LRMDA: variants seen among roughly 807,000 people sequenced by gnomAD.
The protein encoded by LRMDA is leucine rich melanocyte differentiation associated.
Under a neutral mutation model 29.8 loss-of-function variants are expected in LRMDA, and 18 were observed. The observed-to-expected ratio is 0.60, with a 90% confidence interval of 0.42 to 0.90. The LOEUF (loss-of-function observed/expected upper bound fraction) is 0.90, where lower values mean the gene tolerates loss of function less well. LRMDA is among the 40% of genes least tolerant of loss of function. The probability of loss-of-function intolerance (pLI) is 0.00; values close to 1 mark genes in which losing one functional copy is unlikely to be tolerated. For synonymous variants in LRMDA, 125 were observed against 109.4 expected (o/e 1.14, Z -0.89); for missense variants, 273 against 273.9 (o/e 1.00, Z 0.02).
chr10:75,699,726 G>A (rs551836139), intron 2 of LRMDA, among the ~76,000 whole-genome samples: 6 of 152,132 alleles, frequency 3.9e-5, no homozygotes, highest in African/African-American at 1.2e-4. Context: ...GCATGTTGTC[G>A]CAATCCCTGG....
intron 3 of LRMDA, among the ~76,000 whole-genome samples, chr10:76,046,235 C>G (rs1440984992): frequency 6.6e-6 from 1 of 152,154 alleles, no homozygotes; most frequent in African/African-American, 2.4e-5. Flanking sequence ...GTGGCTTAAG[C>G]CAGGAGTTAG....
chr10:75,758,423 C>T (rs192875183), intron 2 of LRMDA, among the ~76,000 whole-genome samples: 10 of 152,240 alleles, frequency 6.6e-5, no homozygotes, highest in African/African-American at 2.4e-4. Flanking sequence ...GAAGACCCCA[C>T]TCAGTGTCAT....
At chr10:76,119,061 T>C (rs186444919) in intron 5 of LRMDA, among the ~76,000 whole-genome samples, 23 of 152,282 alleles carry the variant, frequency 1.5e-4, no homozygotes, top group Admixed American at 1.4e-3. Flanking sequence ...TATTTTATCT[T>C]AATTAGTCCC....
chr10:76,504,417 T>G (rs910563351), intron 6 of LRMDA, among the ~76,000 whole-genome samples: 1 of 151,998 alleles, frequency 6.6e-6, no homozygotes, highest in Non-Finnish European at 1.5e-5. Flanking sequence ...GTCAGTAAAG[T>G]CTGTCAGTGG....
At chr10:76,536,172 G>A (rs544792737) in intron 6 of LRMDA, among the ~76,000 whole-genome samples, 6 of 152,074 alleles carry the variant, frequency 3.9e-5, no homozygotes, top group African/African-American at 1.4e-4. Flanking sequence ...ATACGTAAGG[G>A]CATTTTCCTG....
chr10:75,564,067 C>T (rs1038702102), intron 2 of LRMDA, among the ~76,000 whole-genome samples: 2 of 152,212 alleles, frequency 1.3e-5, no homozygotes, highest in African/African-American at 4.8e-5. Context: ...TCAAAGCTGT[C>T]AGACAGGGAC....
At chr10:76,028,805 GC>G (rs1402335795) in intron 2 of LRMDA, among the ~76,000 whole-genome samples, 1 of 149,350 alleles carries the variant, frequency 6.7e-6, no homozygotes. Flanking sequence ...ATTATGAGAA[GC>G]TTATTCAAAG....
chr10:75,915,794 C>A (rs1012343662), intron 2 of LRMDA, among the ~76,000 whole-genome samples: 1 of 152,160 alleles, frequency 6.6e-6, no homozygotes, highest in Admixed American at 6.5e-5. Flanking sequence ...GCTGTCTATT[C>A]AGCTAGCTCT....
chr10:76,247,363 G>C (rs1468373259), intron 5 of LRMDA, among the ~76,000 whole-genome samples: 1 of 152,160 alleles, frequency 6.6e-6, no homozygotes. Context: ...ATTGGGCGAG[G>C]TAGTCTGGCT....
chr10:75,771,947 T>C (rs1380407335), intron 2 of LRMDA, among the ~76,000 whole-genome samples: 1 of 151,866 alleles, frequency 6.6e-6, no homozygotes, highest in Non-Finnish European at 1.5e-5. Context: ...CAATTAGTAC[T>C]GGAAAAGATC....
At chr10:75,608,530 CATTA>C (rs1474016984) in intron 2 of LRMDA, among the ~76,000 whole-genome samples, 1 of 152,096 alleles carries the variant, frequency 6.6e-6, no homozygotes, top group African/African-American at 2.4e-5. Context: ...GAGAAGACTA[CATTA>C]ATTAGTTTGA....
At position 75,516,831 on chromosome 10, in the gene LRMDA, A is replaced by G. The variant is rs1845295753; in HGVS notation, c.131+78337A>G. On this transcript the variant is annotated intron_variant, in intron 2 of 6. Coordinates refer to ENST00000611255, the MANE Select transcript of LRMDA (RefSeq NM_001305581.2). ...TTTTCTTCTAGGGTTTTATGGTTTTAGGTCTAACATTTAAGTCATCAATCC... is the reference window on the plus strand; with the variant it reads ...TTTTCTTCTAGGGTTTTATGGTTTTGGGTCTAACATTTAAGTCATCAATCC... Among the ~76,000 whole-genome samples, 3 of 152,096 alleles carry G rather than the reference A, an allele frequency of 2.0e-5. No homozygotes were observed. In the South Asian group the frequency reaches 6.2e-4, roughly 31 times the overall value.
chr10:76,451,572 T>G (rs943935927), intron 6 of LRMDA, among the ~76,000 whole-genome samples: 1 of 152,102 alleles, frequency 6.6e-6, no homozygotes, highest in Admixed American at 6.5e-5. Context: ...GAGCCAGATA[T>G]ACTTTTCCAT....
At position 75,616,131 on chromosome 10, in the gene LRMDA, C is replaced by G. The variant is rs563795694; in HGVS notation, c.131+177637C>G. Among the ~76,000 whole-genome samples the G allele has an allele frequency of 3.2e-4, 49 of 152,258 alleles. 1 individual carries two copies. The highest frequency in any genetic ancestry group is 1.1e-3 in the African/African-American group (46 of 41,560). ...CGGAAGGCAAAGGGGATATAAGACA[C>G]GTCTTACATGGCAGCAGGCAAGGCA... is the stretch of plus-strand genomic sequence containing the variant. On this transcript the variant is annotated intron_variant, in intron 2 of 6. Transcript: ENST00000611255.
chr10:75,948,570 A>G (rs1846518391), intron 2 of LRMDA, among the ~76,000 whole-genome samples: 2 of 152,316 alleles, frequency 1.3e-5, no homozygotes, highest in Admixed American at 1.3e-4. Flanking sequence ...CGACCAAGGT[A>G]AAATAGATGA....
chr10:75,870,538 A>G (rs1291584892), intron 2 of LRMDA, among the ~76,000 whole-genome samples: 2 of 152,102 alleles, frequency 1.3e-5, no homozygotes, highest in African/African-American at 4.8e-5. Context: ...TCTCTACTGG[A>G]ATATGTCCTT....
At chr10:75,893,725 G>A (rs560083776) in intron 2 of LRMDA, among the ~76,000 whole-genome samples, 1 of 152,210 alleles carries the variant, frequency 6.6e-6, no homozygotes, top group East Asian at 1.9e-4. Context: ...CTTGAGGTCA[G>A]GTGTTCAAGA....
chr10:76,476,749 T>C (rs551631291), intron 6 of LRMDA, among the ~76,000 whole-genome samples: 18 of 152,102 alleles, frequency 1.2e-4, no homozygotes, highest in Admixed American at 5.2e-4. Flanking sequence ...GTTCAACATA[T>C]GCAAATCAAT....
At chr10:75,975,642 C>T (rs1017498559) in intron 2 of LRMDA, among the ~76,000 whole-genome samples, 7 of 152,128 alleles carry the variant, frequency 4.6e-5, no homozygotes, top group East Asian at 3.9e-4. Flanking sequence ...GAACTCTGAA[C>T]GATGCACAGA....
Sources: allele counts gnomAD v4.1 joint callset (sites outside exome capture counted in the v4.1 genomes callset), GRCh38; gene constraint gnomAD v4.1.1; transcripts MANE v1.5; gene names NCBI Gene and HGNC (gene_info 2026-07-23, HGNC 2026-07-21).